Variants in WASHC2A observed in about 807,000 individuals in gnomAD.
The protein encoded by WASHC2A is WASH complex subunit FAM21A.
WASHC2A carries 82 observed loss-of-function variants against 140.3 expected under a neutral mutation model. The observed-to-expected ratio is 0.58, with a 90% CI of 0.49 to 0.70. The LOEUF is 0.70. WASHC2A is among the 30% of genes least tolerant of loss of function. The pLI, the probability that WASHC2A is intolerant of heterozygous loss-of-function variation, is 0.00. For missense variants in WASHC2A, 985 were observed against 1,521.8 expected (o/e 0.65, Z 5.87); for synonymous variants, 340 against 560.8 (o/e 0.61, Z 5.56).
chr10:50,069,412 C>G, intron 2 of WASHC2A, 135 bp from the exon 3 acceptor site: 1 of 1,329,320 alleles, frequency 7.5e-7, no homozygotes, highest in South Asian at 1.6e-5. Context: ...GAGTGAAACT[C>G]TCTCAAAAAA....
In WASHC2A at chr10:50,129,421, C is replaced by G; in HGVS notation, c.3090C>G (p.Ser1030Arg). The part of the protein sequence containing the change: ...QADTLHSANK[S>R]RVKMRGKRRP... ...TGTGTGTTTTTTTGCCATTGCAGAG[C>G]CGTGTCAAGATGAGAGGGAAGCGTA... is the stretch of plus-strand genomic sequence containing the variant. Residue 1030 changes from serine (S) to arginine (R), a missense_variant and splice_region_variant, in exon 29 of 31, where the codon AGC (serine) becomes AGG (arginine). By Grantham distance (110) the Ser-to-Arg change is moderately radical. Coordinates refer to ENST00000282633, the MANE Select transcript of WASHC2A (RefSeq NM_001005751.3). The G allele has an allele frequency of 6.2e-7, 1 of 1,612,018 alleles. No homozygotes were observed. Among genetic ancestry groups the G allele is most frequent in the Non-Finnish European group, 8.5e-7 (1 of 1,179,868 alleles).
chr10:50,120,480 C>T (rs1362589269), intron 23 of WASHC2A, among the ~76,000 whole-genome samples: 3 of 143,170 alleles, frequency 2.1e-5, no homozygotes, highest in African/African-American at 5.6e-5. Flanking sequence ...AATAGCTTGG[C>T]GTGATGACGC....
At chr10:50,112,952 A>G (rs1401019331) in intron 20 of WASHC2A, among the ~76,000 whole-genome samples, 19 of 151,172 alleles carry the variant, frequency 1.3e-4, no homozygotes, top group African/African-American at 4.4e-4. Flanking sequence ...GGTCATGATA[A>G]TGTTGTGCAC....
At position 50,068,020 on chromosome 10, in the gene WASHC2A, G is replaced by C; in HGVS notation, c.3+12G>C. The C allele has an allele frequency of 1.2e-6, 2 of 1,607,808 alleles. No homozygotes were observed. Among genetic ancestry groups the C allele is most frequent in the Non-Finnish European group, 1.7e-6 (2 of 1,178,242 alleles). On this transcript the variant is annotated intron_variant, in intron 1 of 30. Coordinates refer to ENST00000282633, the MANE Select transcript of WASHC2A (RefSeq NM_001005751.3). ...GGGCGGCTAGGATGGTGAGGGCGCC[G>C]GGCAGGAGAGAGGCCGGCCTGGGCT...
Position 50,069,581 on chromosome 10 carries a change from C to G in WASHC2A, c.161C>G (p.Thr54Ser). 2 of 1,613,494 alleles carry G rather than the reference C, an allele frequency of 1.2e-6. No homozygotes were observed. Among genetic ancestry groups the G allele is most frequent in the Non-Finnish European group, 1.7e-6 (2 of 1,179,758 alleles). ...LQFLQEFSQQ[T>S]ISRTHEIKKQ... ...TTTCTACAGGAATTCTCACAGCAAA[C>G]TATCTCTAGGACCCATGAAATCAAG... Residue 54 changes from threonine to serine, a missense_variant, in exon 3 of 31, where the codon ACT becomes AGT. By Grantham distance (58) the Thr-to-Ser change is moderately conservative (BLOSUM62 1). Coordinates refer to ENST00000282633, the MANE Select transcript of WASHC2A (RefSeq NM_001005751.3).
intron 23 of WASHC2A, among the ~76,000 whole-genome samples, chr10:50,123,033 C>G (rs1288722373): frequency 2.5e-5 from 3 of 120,994 alleles, no homozygotes; most frequent in Non-Finnish European, 5.1e-5. Context: ...GAAGCCAAAA[C>G]CACAGTGACA....
intron 7 of WASHC2A, among the ~76,000 whole-genome samples, chr10:50,086,129 G>A (rs1839354429): frequency 6.6e-6 from 1 of 151,514 alleles, no homozygotes; most frequent in South Asian, 2.1e-4. Context: ...TATTGCAAAG[G>A]ACACAGCCAT....
In WASHC2A at chr10:50,106,475, G is replaced by A. The variant is rs1240231593; in HGVS notation, c.1869+10G>A. The A allele has an allele frequency of 5.0e-6, 8 of 1,594,198 alleles. No homozygotes were observed. The South Asian group carries it at 7.8e-5, about 16-fold the overall frequency. On this transcript the variant is annotated intron_variant, in intron 19 of 30. Coordinates refer to ENST00000282633, the MANE Select transcript of WASHC2A (RefSeq NM_001005751.3). ...CAGCAGTGATGAGGAGGTGAGCTGA[G>A]GTTTCTGCTAAAGAAGAGGGGATTA... is the stretch of plus-strand genomic sequence containing the variant.
intron 3 of WASHC2A, among the ~76,000 whole-genome samples, chr10:50,071,312 CT>C (rs1264804216): frequency 2.6e-4 from 34 of 131,028 alleles, no homozygotes; most frequent in East Asian, 4.5e-4. Flanking sequence ...TGGGAAGTTT[CT>C]TTTTTTTTTT....
At position 50,081,346 on chromosome 10, in the gene WASHC2A, T is replaced by C. The variant is rs1415084873; in HGVS notation, c.528+415T>C. Among the ~76,000 whole-genome samples, 6 of 132,360 alleles carry C rather than the reference T, an allele frequency of 4.5e-5. No homozygotes were observed. In the South Asian group the frequency reaches 1.6e-3, roughly 35 times the overall value. The allele number at this position is 132,360 out of a possible 152,430, so 86.8% of individuals were successfully genotyped here. Reference sequence around the variant, plus strand: ...AGAGAGTGTTGGGAACCTGAAATTATGTAGCTTGGGCTAAGGAAGACTGCA... The same window carrying C: ...AGAGAGTGTTGGGAACCTGAAATTACGTAGCTTGGGCTAAGGAAGACTGCA... On this transcript the variant is annotated intron_variant, in intron 5 of 30. Transcript: ENST00000282633.
chr10:50,072,709 C>T (rs139485449), intron 3 of WASHC2A, among the ~76,000 whole-genome samples: 24,765 of 151,858 alleles, frequency 0.16, 2,132 homozygotes, highest in Middle Eastern at 0.25. Flanking sequence ...AGGATGGTCT[C>T]GATCTCCTGA....
At chr10:50,103,574 GAAGT>G (rs1841450373) in intron 17 of WASHC2A, among the ~76,000 whole-genome samples, 1 of 151,586 alleles carries the variant, frequency 6.6e-6, no homozygotes, top group South Asian at 2.1e-4. Flanking sequence ...AAAAGAAAAA[GAAGT>G]AAGTCATAAT....
At chr10:50,069,215 A>G (rs1554875297) in intron 2 of WASHC2A, among the ~76,000 whole-genome samples, 1 of 151,484 alleles carries the variant, frequency 6.6e-6, no homozygotes, top group Admixed American at 6.6e-5. Context: ...TCACGAGGTC[A>G]GGAGTTCGAG....
chr10:50,127,097 C>T (rs1266353573), intron 26 of WASHC2A, 63 bp from the exon 27 acceptor site: 14 of 1,591,866 alleles, frequency 8.8e-6, no homozygotes, highest in Non-Finnish European at 1.2e-5. Flanking sequence ...TATTTACAGG[C>T]ATAAGAAACA....
At chr10:50,088,618 G>T (rs1461721177) in intron 8 of WASHC2A, among the ~76,000 whole-genome samples, 1 of 134,804 alleles carries the variant, frequency 7.4e-6, no homozygotes, top group African/African-American at 2.8e-5. Context: ...GAATGAGGTG[G>T]TATAGAGTTA....
At chr10:50,103,135 C>A (rs1202628119) in intron 17 of WASHC2A, among the ~76,000 whole-genome samples, 2 of 151,668 alleles carry the variant, frequency 1.3e-5, no homozygotes, top group African/African-American at 4.8e-5. Context: ...TAGACATGAG[C>A]CACAGCACCG....
At chr10:50,088,027 C>T (rs1839538691) in intron 8 of WASHC2A, among the ~76,000 whole-genome samples, 1 of 151,796 alleles carries the variant, frequency 6.6e-6, no homozygotes. Context: ...CCATGTTGGC[C>T]AGGCTGGTCT....
At chr10:50,070,467 C>T (rs1469918753) in intron 3 of WASHC2A, among the ~76,000 whole-genome samples, 2 of 152,130 alleles carry the variant, frequency 1.3e-5, no homozygotes, top group Admixed American at 6.5e-5. Flanking sequence ...TTAAAGTAAG[C>T]GATCTCCTGA....
chr10:50,105,820 C>A (rs1841703158), intron 18 of WASHC2A, among the ~76,000 whole-genome samples: 1 of 145,084 alleles, frequency 6.9e-6, no homozygotes, highest in Non-Finnish European at 1.5e-5. Flanking sequence ...CTCTTTGAAA[C>A]TAATGAGAAA....
Sources: allele counts gnomAD v4.1 joint callset (sites outside exome capture counted in the v4.1 genomes callset), GRCh38; gene constraint gnomAD v4.1.1; transcripts MANE v1.5; gene names NCBI Gene and HGNC (gene_info 2026-07-23, HGNC 2026-07-21).